The following PTPRK variants were observed in gnomAD, a reference collection of about 807,000 sequenced individuals.
PTPRK encodes the protein receptor-type tyrosine-protein phosphatase kappa.
A neutral mutation model predicts 178.0 loss-of-function variants in PTPRK; 75 were observed. The ratio of observed to expected loss-of-function variants is 0.42; its 90% CI spans 0.35 to 0.51. PTPRK has a LOEUF of 0.51. PTPRK is among the 20% of genes least tolerant of loss of function. The pLI is 0.02. For synonymous variants in PTPRK, 637 were observed against 620.6 expected (o/e 1.03, Z -0.39); for missense variants, 1,441 against 1,797.8 (o/e 0.80, Z 3.59).
At chr6:128,063,162 G>A (rs993641070) in intron 13 of PTPRK, among the ~76,000 whole-genome samples, 1 of 152,048 alleles carries the variant, frequency 6.6e-6, no homozygotes, top group African/African-American at 2.4e-5. Context: ...ACACCACACT[G>A]CATTCCTGAG....
At chr6:128,383,832 A>G (rs187227341) in intron 2 of PTPRK, among the ~76,000 whole-genome samples, 96 of 152,320 alleles carry the variant, frequency 6.3e-4, no homozygotes, top group Admixed American at 2.7e-3. Flanking sequence ...TATAGCCACA[A>G]AAGTAATAAG....
chr6:128,475,625 C>G (rs1161637792), intron 1 of PTPRK, among the ~76,000 whole-genome samples: 3 of 151,982 alleles, frequency 2.0e-5, no homozygotes, highest in Admixed American at 1.3e-4. Flanking sequence ...GTTTAGGTAA[C>G]TAAAACTCTG....
At chr6:128,277,558 A>T (rs912234627) in intron 3 of PTPRK, among the ~76,000 whole-genome samples, 2 of 152,184 alleles carry the variant, frequency 1.3e-5, no homozygotes, top group Non-Finnish European at 2.9e-5. Flanking sequence ...TGACTCTCGA[A>T]ACAGTAATAC....
At chr6:128,499,199 AAAG>A (rs1318810251) in intron 1 of PTPRK, among the ~76,000 whole-genome samples, 1 of 152,200 alleles carries the variant, frequency 6.6e-6, no homozygotes, top group Non-Finnish European at 1.5e-5. Flanking sequence ...ATCCTGTCAT[AAAG>A]AAGAAACAAA....
intron 7 of PTPRK, among the ~76,000 whole-genome samples, chr6:128,177,201 A>G (rs1439047539): frequency 1.3e-5 from 2 of 151,736 alleles, no homozygotes; most frequent in East Asian, 3.9e-4. Context: ...GCCTAGATCT[A>G]TATCTTTAAA....
chr6:128,367,072 T>C (rs1211366461), intron 2 of PTPRK, among the ~76,000 whole-genome samples: 1 of 152,150 alleles, frequency 6.6e-6, no homozygotes, highest in African/African-American at 2.4e-5. Flanking sequence ...TATAGTACCT[T>C]GGTCTCTATG....
intron 15 of PTPRK, 135 bp downstream of exon 15, chr6:128,004,949 C>T: frequency 1.4e-6 from 1 of 711,660 alleles, no homozygotes; most frequent in Non-Finnish European, 2.2e-6. Context: ...ATAATATTCT[C>T]CATCTCTTTC....
intron 1 of PTPRK, among the ~76,000 whole-genome samples, chr6:128,434,200 G>A (rs1845216677): frequency 6.6e-6 from 1 of 152,046 alleles, no homozygotes; most frequent in Admixed American, 6.6e-5. Flanking sequence ...TCTCTGGGAC[G>A]ATTCACAACC....
Position 127,970,075 on chromosome 6 carries a change from C to A in PTPRK, c.*152G>T. On this transcript the variant is annotated 3_prime_UTR_variant, in exon 30 of 30. Coordinates refer to ENST00000368226, the MANE Select transcript of PTPRK (RefSeq NM_002844.4). ...CAGTCCTTTTTATTAAGATACACAACTTCATAAAAAAAATACTTTTACCTC... is the reference window on the plus strand; with the variant it reads ...CAGTCCTTTTTATTAAGATACACAAATTCATAAAAAAAATACTTTTACCTC... 2 of 533,234 alleles carry A rather than the reference C, an allele frequency of 3.8e-6. No homozygotes were observed. Among genetic ancestry groups the A allele is most frequent in the South Asian group, 3.2e-5 (1 of 31,292 alleles). 33.0% of individuals were successfully genotyped at this position (533,234 alleles called of 1,614,324 possible).
chr6:128,046,179 G>A (rs990611211), intron 13 of PTPRK, among the ~76,000 whole-genome samples: 8 of 152,054 alleles, frequency 5.3e-5, no homozygotes, highest in Non-Finnish European at 5.9e-5. Context: ...TCAGGCTATA[G>A]TCTATTACTC....
chr6:128,193,007 A>C (rs1233163724), intron 6 of PTPRK, among the ~76,000 whole-genome samples: 1 of 152,086 alleles, frequency 6.6e-6, no homozygotes, highest in Non-Finnish European at 1.5e-5. Context: ...TAAAATGTAC[A>C]CTTCAATGTA....
intron 7 of PTPRK, among the ~76,000 whole-genome samples, chr6:128,131,964 C>T (rs1794312618): frequency 6.6e-6 from 1 of 151,840 alleles, no homozygotes; most frequent in South Asian, 2.1e-4. Context: ...CAAATTAGTC[C>T]CATTGATGCA....
In PTPRK at chr6:128,246,934, G is replaced by A. The variant is rs77948214; in HGVS notation, c.496-4332C>T. 2.8e-3 allele frequency among the ~76,000 whole-genome samples: 422 copies of A among 152,250 alleles called. 1 individual carries two copies. Among genetic ancestry groups the A allele is most frequent in the African/African-American group, 9.8e-3 (409 of 41,566 alleles). ...GTGAAATAAAGTTGAATTAAACTTGGGGGAGATGGGAAACCCTAGAGAACA... is the reference window on the plus strand; with the variant it reads ...GTGAAATAAAGTTGAATTAAACTTGAGGGAGATGGGAAACCCTAGAGAACA... On this transcript the variant is annotated intron_variant, in intron 3 of 29. Transcript: ENST00000368226.
chr6:128,490,149 A>C (rs141794082), intron 1 of PTPRK, among the ~76,000 whole-genome samples: 104 of 152,308 alleles, frequency 6.8e-4, no homozygotes, highest in African/African-American at 2.3e-3. Flanking sequence ...TTTCACAAAA[A>C]AAAATCTTTT....
intron 1 of PTPRK, among the ~76,000 whole-genome samples, chr6:128,423,400 G>A (rs533323716): frequency 1.3e-5 from 2 of 151,982 alleles, no homozygotes; most frequent in Non-Finnish European, 2.9e-5. Flanking sequence ...GGGGAGTTTT[G>A]TTTTAGGTTC....
At chr6:128,371,549 A>G (rs964512314) in intron 2 of PTPRK, among the ~76,000 whole-genome samples, 1 of 152,330 alleles carries the variant, frequency 6.6e-6, no homozygotes, top group East Asian at 1.9e-4. Flanking sequence ...CTTCATCAGC[A>G]TATTTCAACA....
At chr6:128,075,093 A>C (rs1457678561) in intron 11 of PTPRK, among the ~76,000 whole-genome samples, 1 of 151,926 alleles carries the variant, frequency 6.6e-6, no homozygotes, top group Non-Finnish European at 1.5e-5. Context: ...TCTCCACTCA[A>C]ACTCCCTTCC....
chr6:128,148,978 T>C lies in PTPRK; in HGVS notation c.1162+35454A>G, dbSNP rs577070825. On this transcript the variant is annotated intron_variant, in intron 7 of 29. Transcript: ENST00000368226. ...GGGAAAATGACAGAATTTAATTACC[T>C]GTTTCCATGATTTCAAGGGGAATTC... 4.6e-5 allele frequency among the ~76,000 whole-genome samples: 7 copies of C among 152,168 alleles called. No homozygotes were observed. The East Asian group carries it at 1.2e-3, about 25-fold the overall frequency.
chr6:128,411,258 A>T (rs1465502465), intron 1 of PTPRK, among the ~76,000 whole-genome samples: 1 of 152,284 alleles, frequency 6.6e-6, no homozygotes, highest in East Asian at 1.9e-4. Flanking sequence ...CTTCTTAAGC[A>T]TTTCGGACAC....
Sources: allele counts gnomAD v4.1 joint callset (sites outside exome capture counted in the v4.1 genomes callset), GRCh38; gene constraint gnomAD v4.1.1; transcripts MANE v1.5; gene names NCBI Gene and HGNC (gene_info 2026-07-23, HGNC 2026-07-21).